NWD2: variants seen among roughly 807,000 people sequenced by gnomAD.
The protein encoded by NWD2 is NACHT and WD repeat domain containing 2.
A neutral mutation model predicts 132.7 loss-of-function variants in NWD2; 37 were observed. That is an observed-to-expected ratio of 0.28 (90% CI 0.21 to 0.37). The LOEUF (loss-of-function observed/expected upper bound fraction) is 0.37. Among genes scored for constraint, NWD2 ranks in the 10% least tolerant of loss-of-function variants. The probability of loss-of-function intolerance (pLI) is 1.00; values close to 1 mark genes in which losing one functional copy is unlikely to be tolerated. For synonymous variants in NWD2, 705 were observed against 803.0 expected, an observed-to-expected ratio of 0.88 and a Z score of 2.06; for missense variants, 1,592 against 2,122.4, an observed-to-expected ratio of 0.75 and a Z score of 4.91.
intron 1 of NWD2, among the ~76,000 whole-genome samples, chr4:37,313,619 A>G (rs1718897272): frequency 6.6e-6 from 1 of 150,900 alleles, no homozygotes; most frequent in South Asian, 2.1e-4. Flanking sequence ...TTTTAGCTGT[A>G]GGGATTTTTG....
intron 1 of NWD2, among the ~76,000 whole-genome samples, chr4:37,276,611 T>C (rs1577652770): frequency 6.6e-6 from 1 of 152,134 alleles, no homozygotes; most frequent in Non-Finnish European, 1.5e-5. Context: ...CATGCTGCTA[T>C]AAAGGATTAT....
intron 3 of NWD2, among the ~76,000 whole-genome samples, chr4:37,365,009 AT>A (rs1263110618): frequency 1.3e-5 from 2 of 152,304 alleles, no homozygotes; most frequent in East Asian, 3.9e-4. Context: ...CTAACATTCT[AT>A]TTTTGTATAT....
chr4:37,372,111 T>G (rs1000388692), intron 3 of NWD2, among the ~76,000 whole-genome samples: 2 of 152,218 alleles, frequency 1.3e-5, no homozygotes, highest in East Asian at 1.9e-4. Flanking sequence ...TATTGTACAT[T>G]TAAGTACCTT....
intron 3 of NWD2, among the ~76,000 whole-genome samples, chr4:37,419,708 A>G (rs1277613222): frequency 1.3e-5 from 2 of 152,196 alleles, no homozygotes; most frequent in African/African-American, 2.4e-5. Context: ...TTAGTTTCTC[A>G]GAATTAGAAA....
intron 1 of NWD2, among the ~76,000 whole-genome samples, chr4:37,269,793 T>C (rs1416454165): frequency 6.6e-6 from 1 of 151,910 alleles, no homozygotes; most frequent in African/African-American, 2.4e-5. Context: ...TTCCAGTATT[T>C]GCTCTCATGA....
chr4:37,391,578 T>C (rs2109311989), intron 3 of NWD2, among the ~76,000 whole-genome samples: 2 of 152,336 alleles, frequency 1.3e-5, no homozygotes, highest in South Asian at 2.1e-4. Context: ...TTTGAGAAGA[T>C]ATGCTGGTAT....
intron 3 of NWD2, among the ~76,000 whole-genome samples, chr4:37,393,892 G>C (rs937526857): frequency 9.9e-5 from 15 of 152,148 alleles, no homozygotes; most frequent in African/African-American, 3.4e-4. Flanking sequence ...TCTTTGGAAG[G>C]GTAATTCTTG....
At chr4:37,409,212 A>C (rs1230036415) in intron 3 of NWD2, among the ~76,000 whole-genome samples, 2 of 152,042 alleles carry the variant, frequency 1.3e-5, no homozygotes, top group Non-Finnish European at 2.9e-5. Flanking sequence ...AAACTCCACC[A>C]AGCTAAAGGA....
chr4:37,329,429 A>G (rs957547413), intron 2 of NWD2, among the ~76,000 whole-genome samples: 1 of 152,198 alleles, frequency 6.6e-6, no homozygotes, highest in African/African-American at 2.4e-5. Context: ...CTCGGTGATA[A>G]GGCAATATTT....
Position 37,430,775 on chromosome 4 carries a change from A to G in NWD2, c.561A>G (p.Ala187=). 1 of 1,551,108 alleles carries G rather than the reference A, an allele frequency of 6.4e-7. No homozygotes were observed. The highest frequency in any genetic ancestry group is 8.7e-7 in the Non-Finnish European group (1 of 1,146,462). ...KSEMLRSNRN[A]MQPSTNAENE... is the part of the protein sequence containing the mutation. ...AAATGCTGAGAAGCAATAGAAATGC[A>G]GTAAGCTGCCTTTCCCTCAAGCCTA... Residue 187 remains alanine, a splice_region_variant and synonymous_variant, in exon 4 of 7, where the codon GCA becomes GCG. Transcript: ENST00000309447.
chr4:37,296,348 C>T (rs1249958094), intron 1 of NWD2, among the ~76,000 whole-genome samples: 1 of 152,048 alleles, frequency 6.6e-6, no homozygotes, highest in East Asian at 1.9e-4. Context: ...CACACATAAA[C>T]AAGGTTATGT....
intron 3 of NWD2, among the ~76,000 whole-genome samples, chr4:37,367,199 A>G (rs538194050): frequency 1.3e-5 from 2 of 152,040 alleles, no homozygotes; most frequent in South Asian, 4.2e-4. Context: ...ACATGTCTAA[A>G]TGTGTGAAAG....
intron 2 of NWD2, among the ~76,000 whole-genome samples, chr4:37,354,496 A>G (rs577926625): frequency 1.2e-3 from 182 of 152,334 alleles, no homozygotes; most frequent in African/African-American, 4.2e-3. Context: ...AGTTTTATCT[A>G]TAAGCCCCTG....
In NWD2 at chr4:37,446,550, AC is replaced by A. The variant is rs1200016090; in HGVS notation, c.4563del (p.Asn1521LysfsTer4). On this transcript the variant is annotated frameshift_variant, in exon 7 of 7. Transcript: ENST00000309447. LOFTEE classifies it high-confidence loss of function. The surrounding 1 kb of genome is among the most constrained non-coding windows in gnomAD (Gnocchi z 6.7). ...ATCTGTCGGCGCGTGCAACTTCCAA[AC>A]AACTTCTTGAAAAATCTGGAGGACT... The part of the protein sequence containing the change: ...EVICRRVQLP[N>X]NFLKNLEDFE... 6.4e-7 allele frequency: 1 copy of A among 1,551,630 alleles called. No homozygotes were observed. Among genetic ancestry groups the A allele is most frequent in the Non-Finnish European group, 8.7e-7 (1 of 1,147,008 alleles).
chr4:37,439,662 A>G lies in NWD2; in HGVS notation c.1296+272A>G, dbSNP rs1331665511. Among the ~76,000 whole-genome samples the G allele has an allele frequency of 6.6e-6, 1 of 152,148 alleles. No homozygotes were observed. The highest frequency in any genetic ancestry group is 2.4e-5 in the African/African-American group (1 of 41,430). On this transcript the variant is annotated intron_variant, in intron 6 of 6. Transcript: ENST00000309447. The surrounding 1 kb of genome is among the most constrained non-coding windows in gnomAD (Gnocchi z 4.5). ...AGTTCCCATCCCTCACCCCATTTGG[A>G]TGAAAACCCAGGCCAATCTCAATAA...
chr4:37,306,357 A>C (rs1417763301), intron 1 of NWD2, among the ~76,000 whole-genome samples: 2 of 151,664 alleles, frequency 1.3e-5, no homozygotes, highest in African/African-American at 4.8e-5. Flanking sequence ...CTTTATTCTA[A>C]TGTGGGGTTT....
At chr4:37,258,878 A>C (rs946107728) in intron 1 of NWD2, among the ~76,000 whole-genome samples, 12 of 152,200 alleles carry the variant, frequency 7.9e-5, no homozygotes, top group Non-Finnish European at 1.8e-4. Flanking sequence ...AGTCTTAACT[A>C]TGTCAAGGGA....
chr4:37,414,462 GA>G (rs550414685), intron 3 of NWD2, among the ~76,000 whole-genome samples: 1,833 of 130,716 alleles, frequency 0.014, 37 homozygotes, highest in African/African-American at 0.045. Flanking sequence ...AGCCAGCCCT[GA>G]AAAAAAAAAA....
At chr4:37,344,893 C>T (rs1719601665) in intron 2 of NWD2, among the ~76,000 whole-genome samples, 1 of 152,122 alleles carries the variant, frequency 6.6e-6, no homozygotes, top group Admixed American at 6.6e-5. Context: ...CCTCACTAGC[C>T]CTAAGCAACT....
Sources: gnomAD v4.1 joint callset for allele counts (sites outside exome capture counted in the v4.1 genomes callset) on GRCh38, gnomAD v4.1.1 for gene constraint, Gnocchi (gnomAD v3.1) non-coding constraint, MANE v1.5 for transcripts, NCBI Gene and HGNC (gene_info 2026-07-23, HGNC 2026-07-21) for gene names.